Variants in DSCAM observed in about 807,000 individuals in gnomAD.
DSCAM encodes DS cell adhesion molecule.
DSCAM carries 47 observed loss-of-function variants against 217.7 expected under a neutral mutation model. The ratio of observed to expected loss-of-function variants is 0.22; its 90% CI spans 0.17 to 0.28. The LOEUF (loss-of-function observed/expected upper bound fraction) is 0.28, where lower values mean the gene tolerates loss of function less well. DSCAM is among the 10% of genes least tolerant of loss of function. The pLI is 1.00. For missense variants in DSCAM, 2,080 were observed against 2,618.3 expected, an observed-to-expected ratio of 0.79 and a Z score of 4.49; for synonymous variants, 1,056 against 1,015.3, an observed-to-expected ratio of 1.04 and a Z score of -0.76.
Position 40,708,264 on chromosome 21 carries a change from G to C in DSCAM, c.361+190C>G, listed in dbSNP as rs748090151. ...AATCACTGCTTTCTTTCAAGGTTTAGTTCCAACAATGTAAGGCACTTTGAA... is the reference window on the plus strand; with the variant it reads ...AATCACTGCTTTCTTTCAAGGTTTACTTCCAACAATGTAAGGCACTTTGAA... On this transcript the variant is annotated intron_variant, in intron 2 of 32. Coordinates refer to ENST00000400454, the MANE Select transcript of DSCAM (RefSeq NM_001389.5). Among the ~76,000 whole-genome samples, 29 of 152,302 alleles carry C rather than the reference G, an allele frequency of 1.9e-4. 1 individual carries two copies. The Middle Eastern group carries it at 0.01, about 54-fold the overall frequency.
Position 40,800,410 on chromosome 21 carries a change from G to C in DSCAM, c.43+46209C>G, listed in dbSNP as rs376195850. Reference sequence around the variant, plus strand: ...GAGGGAGCAGGCTAGAAAAAGCCTGGATTCTGGTGAGGGCTTAGAAGGCAA... The same window carrying C: ...GAGGGAGCAGGCTAGAAAAAGCCTGCATTCTGGTGAGGGCTTAGAAGGCAA... On this transcript the variant is annotated intron_variant, in intron 1 of 32. Transcript: ENST00000400454. 1.4e-4 allele frequency among the ~76,000 whole-genome samples: 22 copies of C among 152,240 alleles called. No homozygotes were observed. The East Asian group carries it at 3.1e-3, about 21-fold the overall frequency.
chr21:40,734,935 A>T (rs2091048559), intron 1 of DSCAM, among the ~76,000 whole-genome samples: 1 of 152,238 alleles, frequency 6.6e-6, no homozygotes, highest in African/African-American at 2.4e-5. Context: ...AGAGTAGACA[A>T]AGTAAGAAGA....
At chr21:40,429,392 G>A (rs1447668689) in intron 3 of DSCAM, among the ~76,000 whole-genome samples, 4 of 151,680 alleles carry the variant, frequency 2.6e-5, no homozygotes, top group Admixed American at 1.3e-4. Flanking sequence ...TCAGCCTCCC[G>A]AGTAGCTGGG....
At chr21:40,572,100 G>GTGTGGGTGTGTGTGTT (rs1298179761) in intron 3 of DSCAM, among the ~76,000 whole-genome samples, 8 of 151,838 alleles carry the variant, frequency 5.3e-5, no homozygotes, top group Non-Finnish European at 1.2e-4. Flanking sequence ...GTGTGTGTGT[G>GTGTGGGTGTGTGTGTT]TGTGTGTGTG....
intron 10 of DSCAM, among the ~76,000 whole-genome samples, chr21:40,292,856 C>A (rs1036913030): frequency 1.3e-5 from 2 of 152,060 alleles, no homozygotes; most frequent in African/African-American, 4.8e-5. Flanking sequence ...CATTCTTAGC[C>A]TCCTGAGTAG....
intron 3 of DSCAM, among the ~76,000 whole-genome samples, chr21:40,419,135 T>C (rs1177837762): frequency 1.1e-5 from 1 of 90,500 alleles, no homozygotes; most frequent in Non-Finnish European, 2.1e-5. Context: ...CATACCCGGC[T>C]AGCTTTTTTT....
At chr21:40,303,571 C>T (rs1041811073) in intron 9 of DSCAM, among the ~76,000 whole-genome samples, 1 of 152,152 alleles carries the variant, frequency 6.6e-6, no homozygotes, top group African/African-American at 2.4e-5. Context: ...CTTCACTAGA[C>T]TTTGAACCTT....
intron 14 of DSCAM, among the ~76,000 whole-genome samples, chr21:40,180,266 C>A (rs2090784801): frequency 6.6e-6 from 1 of 152,172 alleles, no homozygotes; most frequent in South Asian, 2.1e-4. Flanking sequence ...GGGGACTTCT[C>A]TGTCCAGAGT....
At chr21:40,392,964 A>C (rs557243892) in intron 3 of DSCAM, among the ~76,000 whole-genome samples, 1 of 152,362 alleles carries the variant, frequency 6.6e-6, no homozygotes, top group South Asian at 2.1e-4. Context: ...AAAAAGATCA[A>C]TGAGCTGATA....
intron 21 of DSCAM, among the ~76,000 whole-genome samples, chr21:40,089,744 G>C (rs2089580871): frequency 6.6e-6 from 1 of 152,000 alleles, no homozygotes; most frequent in Non-Finnish European, 1.5e-5. Context: ...CTTCTGGGTG[G>C]GGGCTGCCCA....
At chr21:40,520,009 C>T (rs1487674611) in intron 3 of DSCAM, among the ~76,000 whole-genome samples, 4 of 152,066 alleles carry the variant, frequency 2.6e-5, no homozygotes, top group South Asian at 2.1e-4. Flanking sequence ...ATTTGTTGCC[C>T]CTGACTCTTA....
intron 8 of DSCAM, among the ~76,000 whole-genome samples, chr21:40,319,281 A>T (rs1250194871): frequency 1.3e-5 from 2 of 152,202 alleles, no homozygotes; most frequent in African/African-American, 4.8e-5. Flanking sequence ...CTCTGGCCAC[A>T]TTCTCCATTC....
At chr21:40,706,969 G>C (rs961557696) in intron 2 of DSCAM, among the ~76,000 whole-genome samples, 1 of 152,180 alleles carries the variant, frequency 6.6e-6, no homozygotes, top group African/African-American at 2.4e-5. Flanking sequence ...CAACTGGGTA[G>C]GAAGAGGCAG....
chr21:40,148,933 C>T (rs2090389200), intron 16 of DSCAM, among the ~76,000 whole-genome samples: 1 of 152,150 alleles, frequency 6.6e-6, no homozygotes, highest in Non-Finnish European at 1.5e-5. Context: ...CAAACTTCAC[C>T]AACAAACCAC....
chr21:40,728,101 C>T (rs754699968), intron 1 of DSCAM, among the ~76,000 whole-genome samples: 1 of 152,184 alleles, frequency 6.6e-6, no homozygotes. Flanking sequence ...GCGCCCCCTC[C>T]GACCCACGCC....
At chr21:40,430,881 C>A (rs967791511) in intron 3 of DSCAM, among the ~76,000 whole-genome samples, 2 of 152,202 alleles carry the variant, frequency 1.3e-5, no homozygotes, top group African/African-American at 4.8e-5. Flanking sequence ...CACATCTTTA[C>A]CGGCATTCTT....
chr21:40,682,395 A>C (rs2090411738), intron 3 of DSCAM, among the ~76,000 whole-genome samples: 1 of 151,994 alleles, frequency 6.6e-6, no homozygotes, highest in Non-Finnish European at 1.5e-5. Flanking sequence ...AAATATTCAG[A>C]GAGAAGATCA....
chr21:40,055,872 A>ATCCAGT, intron 28 of DSCAM, 32 bp from the exon 29 acceptor site: 1 of 1,537,496 alleles, frequency 6.5e-7, no homozygotes, highest in Non-Finnish European at 9.0e-7. Flanking sequence ...GCATTAACAA[A>ATCCAGT]TCCAGTTCAG....
chr21:40,055,668 T>C (rs1568916446), intron 29 of DSCAM, 57 bp downstream of exon 29: 1 of 1,347,640 alleles, frequency 7.4e-7, no homozygotes, highest in African/African-American at 1.4e-5. Context: ...GGGTTTGGAT[T>C]GAGAAGGCAT....
Sources: gnomAD v4.1 joint callset for allele counts (sites outside exome capture counted in the v4.1 genomes callset) on GRCh38, gnomAD v4.1.1 for gene constraint, MANE v1.5 for transcripts, NCBI Gene and HGNC (gene_info 2026-07-23, HGNC 2026-07-21) for gene names.